SMG9: variants seen among roughly 807,000 people sequenced by gnomAD.
SMG9 encodes SMG9 nonsense mediated mRNA decay factor, also known as nonsense-mediated mRNA decay factor SMG9.
A neutral mutation model predicts 64.0 loss-of-function variants in SMG9; 55 were observed. The ratio of observed to expected loss-of-function variants is 0.86; its 90% CI spans 0.69 to 1.08. The LOEUF (loss-of-function observed/expected upper bound fraction) is 1.08, where lower values mean the gene tolerates loss of function less well. SMG9 is among the 50% of genes least tolerant of loss of function. The pLI, the probability that SMG9 is intolerant of heterozygous loss-of-function variation, is 0.00. For synonymous variants in SMG9, 244 were observed against 254.8 expected (o/e 0.96, Z 0.41); for missense variants, 554 against 681.3 (o/e 0.81, Z 2.08).
intron 1 of SMG9, 59 bp downstream of exon 1, chr19:43,754,595 C>G (rs1375346706): frequency 6.6e-6 from 1 of 152,010 alleles, no homozygotes; most frequent in Non-Finnish European, 1.5e-5. Context: ...GCGGGGCCTG[C>G]CGGAGCGCCC....
chr19:43,750,384 T>C lies in SMG9; in HGVS notation c.150+208A>G, dbSNP rs562459049. 1.5e-3 allele frequency: 1,042 copies of C among 706,414 alleles called. 3 individuals carry two copies. Among genetic ancestry groups the C allele is most frequent in the Non-Finnish European group, 2.3e-3 (887 of 392,144 alleles). 43.8% of individuals were successfully genotyped at this position (706,414 alleles called of 1,614,324 possible). On this transcript the variant is annotated intron_variant, in intron 2 of 13. Coordinates refer to ENST00000270066, the MANE Select transcript of SMG9 (RefSeq NM_019108.4). ...CTTATTCTCTCATCTCCTTCAAGTC[T>C]CTGCTAAAAAGTCACCTCTTCAGAG...
At position 43,728,781 on chromosome 19, in the gene SMG9, G is replaced by C. The variant is rs946191555; in HGVS notation, c.*2815C>G. The C allele has an allele frequency of 6.1e-6, 1 of 162,750 alleles. No individual in the cohort carries two copies. Among genetic ancestry groups the C allele is most frequent in the African/African-American group, 2.4e-5 (1 of 41,610 alleles). 10.1% of individuals were successfully genotyped at this position (162,750 alleles called of 1,614,324 possible). A position where few individuals can be genotyped will look rare whatever the true frequency, so the allele number is the denominator to read the frequency against. ...CCCAGGCAGCTGCCAGCACAACATG[G>C]CCTGCTCCAGTGTAGAAGCTGATTG... On this transcript the variant is annotated 3_prime_UTR_variant, in exon 14 of 14. Coordinates refer to ENST00000270066, the MANE Select transcript of SMG9 (RefSeq NM_019108.4).
chr19:43,752,669 A>T (rs1256996168), intron 1 of SMG9, among the ~76,000 whole-genome samples: 1 of 152,176 alleles, frequency 6.6e-6, no homozygotes, highest in Non-Finnish European at 1.5e-5. Flanking sequence ...AGGCCGAGAC[A>T]GGAGGACTGC....
chr19:43,750,308 G>A (rs550735182), intron 2 of SMG9: 39 of 610,144 alleles, frequency 6.4e-5, no homozygotes, highest in Non-Finnish European at 8.5e-5. Context: ...GGGCCTCTGC[G>A]CTTGCTGTTC....
chr19:43,731,697 G>C (rs779536557), intron 13 of SMG9, 23 bp from the exon 14 acceptor site: 1 of 1,614,108 alleles, frequency 6.2e-7, no homozygotes, highest in Non-Finnish European at 8.5e-7. Flanking sequence ...CAACAGTCAG[G>C]GCTGCCTGGC....
chr19:43,731,820 T>A, intron 13 of SMG9, 146 bp from the exon 14 acceptor site: 1 of 983,694 alleles, frequency 1.0e-6, no homozygotes, highest in Non-Finnish European at 1.5e-6. Context: ...TCGACTGGGA[T>A]ACAGGGAGGA....
At chr19:43,754,111 G>A (rs759167653) in intron 1 of SMG9, among the ~76,000 whole-genome samples, 1 of 151,994 alleles carries the variant, frequency 6.6e-6, no homozygotes, top group Non-Finnish European at 1.5e-5. Context: ...TCAGTATTTA[G>A]GCATCGCTTC....
rs1968530513 is a variant in SMG9, at chr19:43,732,899, G to A, written c.1443C>T (p.Ala481=). 1 of 1,613,816 alleles carries A rather than the reference G, an allele frequency of 6.2e-7. No homozygotes were observed. Among genetic ancestry groups the A allele is most frequent in the Non-Finnish European group, 8.5e-7 (1 of 1,180,008 alleles). The change falls in exon 13 of 14, where the codon GCC becomes GCT. Residue 481 remains alanine (A), a synonymous_variant. Coordinates refer to ENST00000270066, the MANE Select transcript of SMG9 (RefSeq NM_019108.4). ...SKLRSQVMSM[A]RPQLSHTILT... ...GGATCGTGTGTGACAGCTGTGGCCGGGCCATGGACATCACTTGGCTCCGGA... is the reference window on the plus strand; with the variant it reads ...GGATCGTGTGTGACAGCTGTGGCCGAGCCATGGACATCACTTGGCTCCGGA...
chr19:43,735,914 G>T (rs1968651092), intron 9 of SMG9, among the ~76,000 whole-genome samples: 1 of 152,172 alleles, frequency 6.6e-6, no homozygotes, highest in Admixed American at 6.5e-5. Flanking sequence ...TCCCCAAGGA[G>T]TTTTATCTGT....
rs1568591644 is a variant in SMG9 at position 43,729,827 on chromosome 19, C to T, written c.*1769G>A. Reference sequence around the variant, plus strand: ...ATTTCGGTAAAAGGGCAGTGAATGTCACAGCTCTGAAGGGCCTCGAGGATG... The same window carrying T: ...ATTTCGGTAAAAGGGCAGTGAATGTTACAGCTCTGAAGGGCCTCGAGGATG... On this transcript the variant is annotated 3_prime_UTR_variant, in exon 14 of 14. Coordinates refer to ENST00000270066, the MANE Select transcript of SMG9 (RefSeq NM_019108.4). 1 of 152,364 alleles carries T rather than the reference C, an allele frequency of 6.6e-6. No individual in the cohort carries two copies. Among genetic ancestry groups the T allele is most frequent in the Non-Finnish European group, 1.5e-5 (1 of 68,182 alleles). The allele number at this position is 152,364 out of a possible 1,614,324, so 9.4% of individuals were successfully genotyped here.
At position 43,733,022 on chromosome 19, in the gene SMG9, A is replaced by C. The variant is rs2146357968; in HGVS notation, c.1340-20T>G. 6.3e-7 allele frequency: 1 copy of C among 1,592,682 alleles called. No individual in the cohort carries two copies. Among genetic ancestry groups the C allele is most frequent in the Non-Finnish European group, 8.6e-7 (1 of 1,169,396 alleles). On this transcript the variant is annotated intron_variant, in intron 12 of 13. Transcript: ENST00000270066. ...CAGGTCCTGGAAAGTTGGGGCAGGG[A>C]GGGTAAGAGGGATAGACTGCCAGGG...
At chr19:43,743,067 T>G (rs1423099986) in intron 6 of SMG9, among the ~76,000 whole-genome samples, 1 of 150,440 alleles carries the variant, frequency 6.6e-6, no homozygotes, top group Non-Finnish European at 1.5e-5. Flanking sequence ...AGAGCGAGAC[T>G]GTCTCAAAAA....
At chr19:43,744,680 T>C in intron 6 of SMG9, 92 bp downstream of exon 6, 2 of 845,454 alleles carry the variant, frequency 2.4e-6, no homozygotes, top group Non-Finnish European at 3.8e-6. Flanking sequence ...CAAAGTCCTT[T>C]GGTAACACCA....
intron 7 of SMG9, among the ~76,000 whole-genome samples, chr19:43,738,858 C>T (rs1254997807): frequency 6.6e-6 from 1 of 152,262 alleles, no homozygotes; most frequent in Non-Finnish European, 1.5e-5. Context: ...CTGACCCAGA[C>T]CACAGCCGGT....
chr19:43,753,550 T>C (rs1043345725), intron 1 of SMG9, among the ~76,000 whole-genome samples: 4 of 145,494 alleles, frequency 2.7e-5, no homozygotes, highest in African/African-American at 1.0e-4. Flanking sequence ...GGCCTCTGCC[T>C]CCCGGGTTCA....
At chr19:43,744,711 C>T in intron 6 of SMG9, 61 bp downstream of exon 6, 1 of 1,305,486 alleles carries the variant, frequency 7.7e-7, no homozygotes, top group East Asian at 2.4e-5. Flanking sequence ...CCAAGCCCAC[C>T]TTGCCCCTGC....
At chr19:43,737,967 C>A in intron 8 of SMG9, 155 bp downstream of exon 8, 2 of 747,130 alleles carry the variant, frequency 2.7e-6, no homozygotes, top group South Asian at 1.7e-5. Flanking sequence ...CCAGTCCTGA[C>A]TCTCAGTGTT....
intron 13 of SMG9, 61 bp downstream of exon 13, chr19:43,732,794 GCCC>G: frequency 6.3e-7 from 1 of 1,593,634 alleles, no homozygotes; most frequent in South Asian, 1.1e-5. Flanking sequence ...TCTAAGGGAC[GCCC>G]CCTTCTCTCT....
intron 5 of SMG9, among the ~76,000 whole-genome samples, chr19:43,745,472 G>A (rs1027367555): frequency 4.6e-5 from 7 of 152,182 alleles, no homozygotes; most frequent in Non-Finnish European, 8.8e-5. Flanking sequence ...CACCACCAGG[G>A]GGTGTAAGAG....
Sources: gnomAD v4.1 joint callset for allele counts (sites outside exome capture counted in the v4.1 genomes callset) on GRCh38, gnomAD v4.1.1 for gene constraint, MANE v1.5 for transcripts, NCBI Gene and HGNC (gene_info 2026-07-23, HGNC 2026-07-21) for gene names.